Variants in MMP16 observed in about 807,000 individuals in gnomAD.
The protein encoded by MMP16 is matrix metallopeptidase 16, also known as matrix metalloproteinase-16.
Under a neutral mutation model 67.8 loss-of-function variants are expected in MMP16, and 12 were observed. The observed-to-expected ratio is 0.18, with a 90% CI of 0.11 to 0.29. The LOEUF (loss-of-function observed/expected upper bound fraction) is 0.29. Among genes scored for constraint, MMP16 ranks in the 10% least tolerant of loss-of-function variants. The pLI, the probability that MMP16 is intolerant of heterozygous loss-of-function variation, is 1.00. For synonymous variants in MMP16, 249 were observed against 255.9 expected, an observed-to-expected ratio of 0.97 and a Z score of 0.26; for missense variants, 475 against 765.7, an observed-to-expected ratio of 0.62 and a Z score of 4.48.
At chr8:88,171,763 C>T (rs1316215694) in intron 3 of MMP16, among the ~76,000 whole-genome samples, 2 of 151,588 alleles carry the variant, frequency 1.3e-5, no homozygotes, top group East Asian at 3.9e-4. Flanking sequence ...AACAACATTA[C>T]TTTAGGAAGA....
chr8:88,051,205 C>G (rs1424728886), intron 8 of MMP16, among the ~76,000 whole-genome samples: 1 of 152,064 alleles, frequency 6.6e-6, no homozygotes, highest in African/African-American at 2.4e-5. Flanking sequence ...ATTTTAATTT[C>G]CAACATATTT....
At chr8:88,262,918 G>A (rs924476275) in intron 1 of MMP16, among the ~76,000 whole-genome samples, 2 of 149,534 alleles carry the variant, frequency 1.3e-5, no homozygotes, top group Non-Finnish European at 3.0e-5. Context: ...CCAGCTACTC[G>A]GGAGGCTGAG....
At chr8:88,264,579 T>C (rs1415795164) in intron 1 of MMP16, among the ~76,000 whole-genome samples, 1 of 152,202 alleles carries the variant, frequency 6.6e-6, no homozygotes, top group African/African-American at 2.4e-5. Context: ...GTAAACCCTA[T>C]AGAGTATCAT....
rs1176902638 is a variant in MMP16 at position 88,155,381 on chromosome 8, AT to A, written c.709+12287del. On this transcript the variant is annotated intron_variant, in intron 4 of 9. Transcript: ENST00000286614. Reference sequence around the variant, plus strand: ...TTTATTTTTTAGTCCTTTGGGAATAATTTTTTTTCCTGCATAGTGATATAAA... The same window carrying A: ...TTTATTTTTTAGTCCTTTGGGAATAATTTTTTTCCTGCATAGTGATATAAA... Among the ~76,000 whole-genome samples the A allele has an allele frequency of 3.3e-5, 5 of 151,874 alleles. No individual in the cohort carries two copies. In the East Asian group the frequency reaches 7.8e-4, roughly 24 times the overall value.
chr8:88,106,237 C>T (rs1809239366), intron 6 of MMP16, among the ~76,000 whole-genome samples: 1 of 151,086 alleles, frequency 6.6e-6, no homozygotes, highest in Non-Finnish European at 1.5e-5. Flanking sequence ...TCTGGGTATA[C>T]ATAGGAATCT....
intron 4 of MMP16, among the ~76,000 whole-genome samples, chr8:88,122,992 C>T (rs1027262792): frequency 2.0e-5 from 3 of 151,506 alleles, no homozygotes; most frequent in African/African-American, 7.3e-5. Context: ...GCAGCCCCGG[C>T]CAACATGGAT....
Position 88,195,132 on chromosome 8 carries a change from C to T in MMP16, c.281+2026G>A, listed in dbSNP as rs553810711. ...CAGACCCCTTTCCATATGAAGGGCC[C>T]AAATAAAACCTGTGCACATTACTCT... On this transcript the variant is annotated intron_variant, in intron 2 of 9. Coordinates refer to ENST00000286614, the MANE Select transcript of MMP16 (RefSeq NM_005941.5). 3.3e-5 allele frequency among the ~76,000 whole-genome samples: 5 copies of T among 152,082 alleles called. No individual in the cohort carries two copies. The East Asian group carries it at 9.7e-4, about 30-fold the overall frequency.
At chr8:88,197,391 G>T in intron 1 of MMP16, 85 bp from the exon 2 acceptor site, 1 of 1,175,560 alleles carries the variant, frequency 8.5e-7, no homozygotes, top group Non-Finnish European at 1.1e-6. Context: ...CTATAATAGA[G>T]TTTTGAACAT....
At chr8:88,191,607 CCT>C (rs564668074) in intron 2 of MMP16, among the ~76,000 whole-genome samples, 31 of 152,132 alleles carry the variant, frequency 2.0e-4, no homozygotes, top group South Asian at 4.2e-4. Flanking sequence ...TTCACTGTCC[CCT>C]GTTTTATGTA....
At chr8:88,126,488 G>A (rs573575698) in intron 4 of MMP16, among the ~76,000 whole-genome samples, 29 of 151,928 alleles carry the variant, frequency 1.9e-4, no homozygotes, top group Admixed American at 6.6e-4. Context: ...AGGGTCTAGC[G>A]TATAACATGA....
chr8:88,084,901 C>G (rs928340223), intron 6 of MMP16, among the ~76,000 whole-genome samples: 23 of 151,988 alleles, frequency 1.5e-4, no homozygotes, highest in Middle Eastern at 3.4e-3. Context: ...CCTCCATTGA[C>G]TAGCCATTTA....
intron 4 of MMP16, among the ~76,000 whole-genome samples, chr8:88,119,231 T>C (rs1807774014): frequency 6.6e-6 from 1 of 152,054 alleles, no homozygotes; most frequent in South Asian, 2.1e-4. Flanking sequence ...TTTAATATGA[T>C]TCTAACAACT....
intron 1 of MMP16, among the ~76,000 whole-genome samples, chr8:88,280,741 C>T (rs1810720112): frequency 6.6e-6 from 1 of 152,082 alleles, no homozygotes; most frequent in Non-Finnish European, 1.5e-5. Flanking sequence ...AAAAAATTAG[C>T]CAGGCGTGGT....
chr8:88,314,409 A>AT (rs1332169290), intron 1 of MMP16, among the ~76,000 whole-genome samples: 1 of 152,010 alleles, frequency 6.6e-6, no homozygotes, highest in African/African-American at 2.4e-5. Context: ...ATGCCTGACA[A>AT]TTTTTTATTA....
At chr8:88,158,034 G>T (rs906725798) in intron 4 of MMP16, among the ~76,000 whole-genome samples, 11 of 152,138 alleles carry the variant, frequency 7.2e-5, no homozygotes, top group African/African-American at 2.7e-4. Context: ...GTATTCCATG[G>T]TGTATAGGTG....
In MMP16 at chr8:88,197,223, G is replaced by A. The variant is rs200088411; in HGVS notation, c.216C>T (p.Ala72=). The A allele has an allele frequency of 1.2e-4, 200 of 1,611,868 alleles. 1 individual carries two copies. The highest frequency in any genetic ancestry group is 2.0e-5 in the Non-Finnish European group (23 of 1,179,336). Reference sequence around the variant, plus strand: ...CATAGAACTGCTGCATGGCAGCTAGGGCAGACTGCATGGTCTCTGCAGAGC... The same window carrying A: ...CATAGAACTGCTGCATGGCAGCTAGAGCAGACTGCATGGTCTCTGCAGAGC... ...VLRSAETMQS[A]LAAMQQFYGI... is the part of the protein sequence containing the mutation. The change falls in exon 2 of 10, where the codon GCC becomes GCT. Residue 72 remains alanine, a synonymous_variant. Transcript: ENST00000286614.
chr8:88,168,045 A>G, intron 3 of MMP16, 72 bp from the exon 4 acceptor site: 1 of 1,147,916 alleles, frequency 8.7e-7, no homozygotes, highest in Non-Finnish European at 1.2e-6. Flanking sequence ...TGATCGATTC[A>G]GTTAAGTAAA....
chr8:88,237,779 T>C (rs1320481383), intron 1 of MMP16, among the ~76,000 whole-genome samples: 1 of 152,246 alleles, frequency 6.6e-6, no homozygotes, highest in African/African-American at 2.4e-5. Context: ...GTGTATGCTT[T>C]TGTTCTCAAA....
chr8:88,237,504 C>T (rs147638305), intron 1 of MMP16, among the ~76,000 whole-genome samples: 24 of 152,114 alleles, frequency 1.6e-4, no homozygotes, highest in African/African-American at 4.8e-4. Context: ...AAAAATTAGC[C>T]GGGCGTAGTG....
Sources: allele counts gnomAD v4.1 joint callset (sites outside exome capture counted in the v4.1 genomes callset), GRCh38; gene constraint gnomAD v4.1.1; transcripts MANE v1.5; gene names NCBI Gene and HGNC (gene_info 2026-07-23, HGNC 2026-07-21).